Variants in WDR49 observed in about 807,000 individuals in gnomAD.
WDR49 encodes cilia- and flagella-associated protein 337.
A neutral mutation model predicts 119.5 loss-of-function variants in WDR49; 107 were observed. That is an observed-to-expected ratio of 0.90 (90% CI 0.77 to 1.05). WDR49 has a LOEUF of 1.05. Among genes scored for constraint, WDR49 ranks in the 50% least tolerant of loss-of-function variants. WDR49 has a pLI of 0.00. For missense variants in WDR49, 1,240 were observed against 1,220.5 expected (o/e 1.02, Z -0.24); for synonymous variants, 425 against 418.8 (o/e 1.01, Z -0.18).
At chr3:167,515,022 G>A (rs553045437) in intron 16 of WDR49, among the ~76,000 whole-genome samples, 8 of 152,206 alleles carry the variant, frequency 5.3e-5, no homozygotes, top group African/African-American at 1.7e-4. Context: ...CCAAGGACCA[G>A]AGTGATTCAC....
intron 2 of WDR49, among the ~76,000 whole-genome samples, chr3:167,638,102 T>C (rs1050622813): frequency 3.3e-5 from 5 of 151,564 alleles, no homozygotes; most frequent in African/African-American, 1.2e-4. Context: ...TCACATTAAC[T>C]TGTTTTTCCT....
intron 2 of WDR49, among the ~76,000 whole-genome samples, chr3:167,636,710 T>C (rs905100730): frequency 1.3e-5 from 2 of 151,908 alleles, no homozygotes; most frequent in African/African-American, 4.8e-5. Context: ...TGGTATCACA[T>C]TGTGGTTTTG....
At chr3:167,553,672 G>A (rs1712715725) in intron 10 of WDR49, among the ~76,000 whole-genome samples, 2 of 152,070 alleles carry the variant, frequency 1.3e-5, no homozygotes, top group African/African-American at 2.4e-5. Context: ...CTGTGGAGTG[G>A]TTGTGGGTTG....
At chr3:167,578,022 T>C (rs1714336335) in intron 7 of WDR49, among the ~76,000 whole-genome samples, 1 of 152,134 alleles carries the variant, frequency 6.6e-6, no homozygotes, top group Non-Finnish European at 1.5e-5. Flanking sequence ...CAGTAATTAT[T>C]AAATATATTC....
Position 167,627,091 on chromosome 3 carries a change from C to A in WDR49, c.367G>T (p.Ala123Ser). ...ELYEQDERAKATVVPQWKDLE... is the reference protein window; with the variant it reads ...ELYEQDERAKSTVVPQWKDLE... ...TCCTTCCACTGGGGCACCACAGTTG[C>A]CTTTGCTCGTTCATCTTGCTCATAA... is the stretch of plus-strand genomic sequence containing the variant. The change falls in exon 3 of 19, where the codon GCA becomes TCA. Residue 123 changes from alanine (A) to serine (S), a missense_variant. Coordinates refer to ENST00000682715, the MANE Select transcript of WDR49 (RefSeq NM_001366157.1). 1 of 1,276,894 alleles carries A rather than the reference C, an allele frequency of 7.8e-7. No homozygotes were observed. Among genetic ancestry groups the A allele is most frequent in the Non-Finnish European group, 9.9e-7 (1 of 1,011,030 alleles). The allele number at this position is 1,276,894 out of a possible 1,614,324, so 79.1% of individuals were successfully genotyped here. A position where few individuals can be genotyped will look rare whatever the true frequency, so the allele number is the denominator to read the frequency against.
rs768280279 is a variant in WDR49, at chr3:167,527,948, G to A, written c.2476C>T (p.His826Tyr). The change falls in exon 15 of 19, where the codon CAT becomes TAT. Residue 826 changes from histidine to tyrosine, a missense_variant. Coordinates refer to ENST00000682715, the MANE Select transcript of WDR49 (RefSeq NM_001366157.1). ...APTLIRSFQP[H>Y]EDRISSLEMC... ...TCTAAGGAACTTATTCGGTCCTCATGAGGTTGGAATGATCTTATCAGAGTT... is the reference window on the plus strand; with the variant it reads ...TCTAAGGAACTTATTCGGTCCTCATAAGGTTGGAATGATCTTATCAGAGTT... 6 of 1,613,262 alleles carry A rather than the reference G, an allele frequency of 3.7e-6. No individual in the cohort carries two copies. The highest frequency in any genetic ancestry group is 1.3e-5 in the African/African-American group (1 of 74,878).
intron 7 of WDR49, among the ~76,000 whole-genome samples, chr3:167,588,814 C>T (rs747908039): frequency 1.3e-5 from 2 of 151,996 alleles, no homozygotes; most frequent in African/African-American, 2.4e-5. Context: ...ATTGTTTGAG[C>T]TCCTTGTATA....
intron 7 of WDR49, among the ~76,000 whole-genome samples, chr3:167,586,985 C>T (rs892070137): frequency 6.6e-6 from 1 of 151,958 alleles, no homozygotes; most frequent in Non-Finnish European, 1.5e-5. Flanking sequence ...TAAAGATTCT[C>T]TTATTTAACT....
chr3:167,657,204 G>C (rs1718625704), upstream of WDR49, among the ~76,000 whole-genome samples: 1 of 152,084 alleles, frequency 6.6e-6, no homozygotes, highest in African/African-American at 2.4e-5. Context: ...GAAACAATAT[G>C]ATTAGCCAAA....
At position 167,651,738 on chromosome 3, in the gene WDR49, T is replaced by A. The variant is rs528169340; in HGVS notation, c.165+1523A>T. Among the ~76,000 whole-genome samples, 135 of 152,270 alleles carry A rather than the reference T, an allele frequency of 8.9e-4. 2 individuals are homozygous for A. Among genetic ancestry groups the A allele is most frequent in the African/African-American group, 3.1e-3 (130 of 41,566 alleles). ...TTCCAACCGGTAATGTCAAAATAAG[T>A]GGTCTGGCCTTTGAAATATTTAACA... is the stretch of plus-strand genomic sequence containing the variant. On this transcript the variant is annotated intron_variant, in intron 2 of 18. Transcript: ENST00000682715.
At chr3:167,590,877 C>T (rs955504461) in intron 7 of WDR49, among the ~76,000 whole-genome samples, 9 of 151,910 alleles carry the variant, frequency 5.9e-5, no homozygotes, top group African/African-American at 1.7e-4. Flanking sequence ...CCAAAACCAA[C>T]TTTTCATTTC....
At chr3:167,500,334 G>A (rs1234824916) in intron 17 of WDR49, 35 bp from the exon 18 acceptor site, 13 of 1,596,568 alleles carry the variant, frequency 8.1e-6, no homozygotes, top group Middle Eastern at 1.7e-4. Context: ...AAGACAGGGA[G>A]AAAAAGGGTA....
chr3:167,536,003 A>G (rs1191090872), intron 11 of WDR49, among the ~76,000 whole-genome samples: 1 of 152,116 alleles, frequency 6.6e-6, no homozygotes, highest in Non-Finnish European at 1.5e-5. Flanking sequence ...ATATCACATC[A>G]TATCACTTAG....
intron 2 of WDR49, among the ~76,000 whole-genome samples, chr3:167,650,110 C>A (rs1402060786): frequency 6.6e-6 from 1 of 152,134 alleles, no homozygotes; most frequent in Non-Finnish European, 1.5e-5. Context: ...CATAGCCAGA[C>A]TCTCAGGAGA....
intron 7 of WDR49, among the ~76,000 whole-genome samples, chr3:167,581,834 A>G (rs1714544851): frequency 1.3e-5 from 2 of 152,214 alleles, no homozygotes. Flanking sequence ...TGTTTAATTC[A>G]AAGTAGTCAG....
Position 167,575,268 on chromosome 3 carries a change from C to T in WDR49, c.1509+650G>A, listed in dbSNP as rs142592563. The T allele has an allele frequency of 8.2e-4, 811 of 985,866 alleles. 16 individuals are homozygous for T. In the South Asian group the frequency reaches 0.033, roughly 40 times the overall value. 61.1% of individuals were successfully genotyped at this position (985,866 alleles called of 1,614,324 possible). A position where few individuals can be genotyped will look rare whatever the true frequency, so the allele number is the denominator to read the frequency against. On this transcript the variant is annotated intron_variant, in intron 8 of 18. Coordinates refer to ENST00000682715, the MANE Select transcript of WDR49 (RefSeq NM_001366157.1). Reference sequence around the variant, plus strand: ...AGCTCACTGGCTTCACTGCCTGGGCCGCCCTGTCCTCCAAGAAGGGCTGTG... The same window carrying T: ...AGCTCACTGGCTTCACTGCCTGGGCTGCCCTGTCCTCCAAGAAGGGCTGTG...
intron 16 of WDR49, among the ~76,000 whole-genome samples, chr3:167,519,541 A>G (rs1752348495): frequency 1.3e-5 from 2 of 152,118 alleles, no homozygotes; most frequent in Admixed American, 1.3e-4. Flanking sequence ...GGAACAGAAA[A>G]CAAAACATCA....
At position 167,506,289 on chromosome 3, in the gene WDR49, A is replaced by G. The variant is rs952054839; in HGVS notation, c.2775-873T>C. On this transcript the variant is annotated intron_variant, in intron 16 of 18. Transcript: ENST00000682715. ...GTTGTTTCCCATACTTTCAGCCTCA[A>G]TTTTCCCCTCAATGTAATGGGACTC... Among the ~76,000 whole-genome samples, 14 of 152,090 alleles carry G rather than the reference A, an allele frequency of 9.2e-5. 1 individual carries two copies. The highest frequency in any genetic ancestry group is 1.9e-4 in the Non-Finnish European group (13 of 68,018).
intron 8 of WDR49, among the ~76,000 whole-genome samples, chr3:167,565,394 C>CAA (rs993409418): frequency 7.2e-6 from 1 of 138,808 alleles, no homozygotes; most frequent in Admixed American, 7.1e-5. Context: ...CACACACACA[C>CAA]ACACACACAC....
Sources: gnomAD v4.1 joint callset for allele counts (sites outside exome capture counted in the v4.1 genomes callset) on GRCh38, gnomAD v4.1.1 for gene constraint, MANE v1.5 for transcripts, NCBI Gene and HGNC (gene_info 2026-07-23, HGNC 2026-07-21) for gene names.